GRIK2: variants seen among roughly 807,000 people sequenced by gnomAD.
GRIK2 encodes the protein glutamate ionotropic receptor kainate type subunit 2.
A neutral mutation model predicts 100.3 loss-of-function variants in GRIK2; 32 were observed. The observed-to-expected ratio is 0.32, with a 90% CI of 0.24 to 0.43. GRIK2 has a LOEUF of 0.43. Among genes scored for constraint, GRIK2 ranks in the 20% least tolerant of loss-of-function variants. The probability of loss-of-function intolerance (pLI) is 1.00; values close to 1 mark genes in which losing one functional copy is unlikely to be tolerated. For missense variants in GRIK2, 843 were observed against 1,114.9 expected, an observed-to-expected ratio of 0.76 and a Z score of 3.47; for synonymous variants, 417 against 389.4, an observed-to-expected ratio of 1.07 and a Z score of -0.83.
chr6:101,658,214 C>T (rs1769340405), intron 4 of GRIK2, among the ~76,000 whole-genome samples: 1 of 152,118 alleles, frequency 6.6e-6, no homozygotes, highest in Non-Finnish European at 1.5e-5. Context: ...TAGTCCCTCA[C>T]CCCCAACAGA....
chr6:102,058,647 C>CTAGA (rs1244445543), intron 16 of GRIK2, among the ~76,000 whole-genome samples: 1 of 151,288 alleles, frequency 6.6e-6, no homozygotes, highest in Non-Finnish European at 1.5e-5. Context: ...TACGATAGTC[C>CTAGA]TAGATTTTAT....
At chr6:101,966,888 T>C (rs1792711619) in intron 14 of GRIK2, among the ~76,000 whole-genome samples, 1 of 152,108 alleles carries the variant, frequency 6.6e-6, no homozygotes, top group African/African-American at 2.4e-5. Context: ...TTGTAGACAA[T>C]AAAAATAAAC....
chr6:101,922,162 T>C (rs1582541457), intron 12 of GRIK2, among the ~76,000 whole-genome samples: 1 of 122,660 alleles, frequency 8.2e-6, no homozygotes, highest in African/African-American at 2.9e-5. Flanking sequence ...CCTCACTCCT[T>C]CCTTCCATTC....
At chr6:101,719,000 T>A (rs975510728) in intron 7 of GRIK2, among the ~76,000 whole-genome samples, 1 of 151,970 alleles carries the variant, frequency 6.6e-6, no homozygotes, top group Non-Finnish European at 1.5e-5. Context: ...TATATTTATC[T>A]CAATATTTCC....
intron 4 of GRIK2, among the ~76,000 whole-genome samples, chr6:101,662,653 C>T (rs560934984): frequency 6.6e-6 from 1 of 152,100 alleles, no homozygotes; most frequent in South Asian, 2.1e-4. Context: ...ATGGTGTTTT[C>T]TATATGCTAT....
chr6:101,829,776 T>C (rs61709494), intron 10 of GRIK2, among the ~76,000 whole-genome samples: 1 of 151,824 alleles, frequency 6.6e-6, no homozygotes, highest in Non-Finnish European at 1.5e-5. Flanking sequence ...CACAAATAAA[T>C]GGAAAAGCAT....
chr6:101,950,198 T>A (rs554495993), intron 14 of GRIK2, among the ~76,000 whole-genome samples: 4 of 151,944 alleles, frequency 2.6e-5, no homozygotes, highest in African/African-American at 7.3e-5. Context: ...GTGTTTCCAT[T>A]TTGTTGTTGT....
intron 14 of GRIK2, among the ~76,000 whole-genome samples, chr6:101,961,220 C>T (rs1792277153): frequency 6.6e-6 from 1 of 152,096 alleles, no homozygotes; most frequent in Non-Finnish European, 1.5e-5. Context: ...CAGCAAATCC[C>T]TACCCCATAG....
intron 9 of GRIK2, among the ~76,000 whole-genome samples, chr6:101,816,886 C>T (rs983941666): frequency 4.6e-5 from 7 of 152,086 alleles, no homozygotes; most frequent in Non-Finnish European, 8.8e-5. Context: ...CCAAGGCACA[C>T]AGCTGTTGGA....
At chr6:101,911,876 G>C (rs1397862864) in intron 12 of GRIK2, among the ~76,000 whole-genome samples, 1 of 151,268 alleles carries the variant, frequency 6.6e-6, no homozygotes, top group Non-Finnish European at 1.5e-5. Flanking sequence ...AGCTTTAATT[G>C]CATTATTATA....
intron 2 of GRIK2, among the ~76,000 whole-genome samples, chr6:101,588,264 A>C (rs1306765483): frequency 6.6e-6 from 1 of 152,108 alleles, no homozygotes; most frequent in Non-Finnish European, 1.5e-5. Context: ...TAAACTAAAA[A>C]CAACCAAATC....
At chr6:101,922,137 TTCCC>T (rs781235255) in intron 12 of GRIK2, among the ~76,000 whole-genome samples, 2,868 of 124,108 alleles carry the variant, frequency 0.023, 295 homozygotes, top group African/African-American at 0.081. Context: ...CCTTCCTTCC[TTCCC>T]TCCCTTCCTC....
intron 2 of GRIK2, among the ~76,000 whole-genome samples, chr6:101,616,293 C>T (rs1035766118): frequency 1.3e-5 from 2 of 151,736 alleles, no homozygotes; most frequent in Admixed American, 1.3e-4. Context: ...GAAGAATATT[C>T]ATTTTTTTAA....
intron 2 of GRIK2, among the ~76,000 whole-genome samples, chr6:101,508,411 A>G (rs1216724645): frequency 1.3e-5 from 2 of 152,146 alleles, no homozygotes; most frequent in East Asian, 3.9e-4. Flanking sequence ...TAAATTAAGG[A>G]CGTTCCTGAG....
chr6:101,688,620 A>G (rs1771876595), intron 7 of GRIK2, among the ~76,000 whole-genome samples: 1 of 152,070 alleles, frequency 6.6e-6, no homozygotes, highest in South Asian at 2.1e-4. Context: ...TTGAACTGGC[A>G]GATGATTTCT....
At chr6:101,439,871 A>C (rs977234520) in intron 2 of GRIK2, among the ~76,000 whole-genome samples, 1 of 152,138 alleles carries the variant, frequency 6.6e-6, no homozygotes, top group Non-Finnish European at 1.5e-5. Context: ...AAAAATAAAT[A>C]ATTTTTATCT....
At chr6:101,619,582 C>CT (rs368506954) in intron 2 of GRIK2, among the ~76,000 whole-genome samples, 2 of 151,644 alleles carry the variant, frequency 1.3e-5, no homozygotes, top group African/African-American at 4.8e-5. Context: ...CCATTTTGAA[C>CT]GAAAAAAGTA....
At chr6:101,562,272 G>A (rs1321397061) in intron 2 of GRIK2, among the ~76,000 whole-genome samples, 1 of 152,016 alleles carries the variant, frequency 6.6e-6, no homozygotes, top group African/African-American at 2.4e-5. Context: ...GACTCATGGT[G>A]GCTTATTCTC....
At chr6:101,649,657 T>A (rs984041074) in intron 4 of GRIK2, among the ~76,000 whole-genome samples, 3 of 152,104 alleles carry the variant, frequency 2.0e-5, no homozygotes, top group Admixed American at 1.3e-4. Context: ...ATACCCTCCT[T>A]ATAATAATCT....
Sources: allele counts gnomAD v4.1 joint callset (sites outside exome capture counted in the v4.1 genomes callset), GRCh38; gene constraint gnomAD v4.1.1; transcripts MANE v1.5; gene names NCBI Gene and HGNC (gene_info 2026-07-23, HGNC 2026-07-21).